The following ATP9B variants were observed in gnomAD, a reference collection of about 807,000 sequenced individuals.
The protein encoded by ATP9B is probable phospholipid-transporting ATPase IIB.
A neutral mutation model predicts 146.1 loss-of-function variants in ATP9B; 110 were observed. That is an observed-to-expected ratio of 0.75 (90% CI 0.65 to 0.88). The LOEUF is 0.88. ATP9B is among the 40% of genes least tolerant of loss of function. The pLI, the probability that ATP9B is intolerant of heterozygous loss-of-function variation, is 0.00. For missense variants in ATP9B, 1,499 were observed against 1,496.4 expected, an observed-to-expected ratio of 1.00 and a Z score of -0.03; for synonymous variants, 604 against 569.7, an observed-to-expected ratio of 1.06 and a Z score of -0.86.
At chr18:79,260,224 G>T (rs1447709008) in intron 12 of ATP9B, among the ~76,000 whole-genome samples, 1 of 152,194 alleles carries the variant, frequency 6.6e-6, no homozygotes, top group Non-Finnish European at 1.5e-5. Context: ...GGCGGAAGGG[G>T]AAGTAGTCAC....
chr18:79,312,303 CTG>C (rs1450793622), intron 15 of ATP9B, among the ~76,000 whole-genome samples: 2 of 152,232 alleles, frequency 1.3e-5, no homozygotes, highest in African/African-American at 4.8e-5. Context: ...AGTTATATTA[CTG>C]TGTGAAATTT....
In ATP9B at chr18:79,239,288, G is replaced by A. The variant is rs928332903; in HGVS notation, c.1108-14093G>A. Among the ~76,000 whole-genome samples, 7 of 152,170 alleles carry A rather than the reference G, an allele frequency of 4.6e-5. No homozygotes were observed. The highest frequency in any genetic ancestry group is 3.9e-4 in the Admixed American group (6 of 15,286). On this transcript the variant is annotated intron_variant, in intron 11 of 29. Coordinates refer to ENST00000426216, the MANE Select transcript of ATP9B (RefSeq NM_198531.5). The surrounding 1 kb of genome is among the most constrained non-coding windows in gnomAD (Gnocchi z 5.1). ...CCCCTTCAGCCCTCTTATTTCCACC[G>A]CTCCACAATTCATGACAAGTGCTGC...
At chr18:79,267,316 A>G (rs147973315) in intron 12 of ATP9B, among the ~76,000 whole-genome samples, 140 of 151,806 alleles carry the variant, frequency 9.2e-4, no homozygotes, top group Non-Finnish European at 1.7e-3. Flanking sequence ...TTTTTTCCTG[A>G]CCACTCTTCC....
At chr18:79,132,309 A>G (rs953405823) in intron 5 of ATP9B, among the ~76,000 whole-genome samples, 1 of 152,246 alleles carries the variant, frequency 6.6e-6, no homozygotes, top group Non-Finnish European at 1.5e-5. Flanking sequence ...TTCACATGTC[A>G]ATAATGATAA....
At chr18:79,167,748 TCC>T (rs2094996218) in intron 7 of ATP9B, among the ~76,000 whole-genome samples, 1 of 152,172 alleles carries the variant, frequency 6.6e-6, no homozygotes, top group Non-Finnish European at 1.5e-5. Flanking sequence ...AGTCCTCACT[TCC>T]GGCAGTGGAC....
intron 4 of ATP9B, chr18:79,115,169 A>G (rs1207283849): frequency 7.0e-6 from 1 of 142,276 alleles, no homozygotes; most frequent in Non-Finnish European, 1.5e-5. Context: ...TCCCATTCAC[A>G]ATTGCTTCAA....
chr18:79,300,833 T>C (rs1351858162), intron 13 of ATP9B, among the ~76,000 whole-genome samples: 1 of 152,246 alleles, frequency 6.6e-6, no homozygotes, highest in East Asian at 1.9e-4. Context: ...TATAATATTC[T>C]TTTAACTTTA....
chr18:79,355,122 A>T (rs1301242591), intron 25 of ATP9B, among the ~76,000 whole-genome samples: 1 of 152,164 alleles, frequency 6.6e-6, no homozygotes, highest in African/African-American at 2.4e-5. Context: ...GGGAGCCTTA[A>T]CCCCTGCCCC....
intron 13 of ATP9B, among the ~76,000 whole-genome samples, chr18:79,297,206 G>A (rs556776619): frequency 4.1e-5 from 6 of 147,860 alleles, no homozygotes; most frequent in South Asian, 4.4e-4. Flanking sequence ...AGACACAGAC[G>A]ACCCAGAGAG....
chr18:79,139,611 A>T (rs2094490179), intron 5 of ATP9B, among the ~76,000 whole-genome samples: 2 of 152,198 alleles, frequency 1.3e-5, no homozygotes, highest in African/African-American at 4.8e-5. Context: ...CAGGCATTCA[A>T]TGGGTAATAA....
At chr18:79,121,348 G>A (rs1310537710) in intron 4 of ATP9B, among the ~76,000 whole-genome samples, 1 of 152,224 alleles carries the variant, frequency 6.6e-6, no homozygotes, top group Admixed American at 6.5e-5. Flanking sequence ...CAGGATGACA[G>A]TAGTTTAAAT....
At chr18:79,160,779 T>TG (rs1224359006) in intron 7 of ATP9B, among the ~76,000 whole-genome samples, 1 of 151,890 alleles carries the variant, frequency 6.6e-6, no homozygotes, top group Non-Finnish European at 1.5e-5. Context: ...TTTGTTTGTT[T>TG]TTTCTCTTTT....
intron 26 of ATP9B, among the ~76,000 whole-genome samples, chr18:79,369,532 C>CAAA (rs67043260): frequency 1.4e-3 from 120 of 87,732 alleles, no homozygotes; most frequent in African/African-American, 2.9e-3. Flanking sequence ...GAGTCCGTCT[C>CAAA]AAAAAAAAAA....
At chr18:79,289,234 C>T (rs1332395693) in intron 13 of ATP9B, among the ~76,000 whole-genome samples, 2 of 152,182 alleles carry the variant, frequency 1.3e-5, no homozygotes, top group South Asian at 4.1e-4. Flanking sequence ...CCATTCTCCC[C>T]GTCACTTTCA....
chr18:79,247,427 C>T (rs1386613852), intron 11 of ATP9B, among the ~76,000 whole-genome samples: 1 of 152,216 alleles, frequency 6.6e-6, no homozygotes, highest in Non-Finnish European at 1.5e-5. Context: ...ATTGACATTT[C>T]TCAAGCGATC....
In ATP9B at chr18:79,347,870, C is replaced by T. The variant is rs773689028; in HGVS notation, c.2783C>T (p.Ser928Leu). The T allele has an allele frequency of 5.6e-6, 9 of 1,613,528 alleles. No individual in the cohort carries two copies. The East Asian group carries it at 6.7e-5, about 12-fold the overall frequency. ...CACGGGCGGAACAGCTACAAGAGGT[C>T]GGCGGCACTCGGCCAGTTCGTCATG... ...MVHGRNSYKR[S>L]AALGQFVMHR... The change falls in exon 24 of 30, where the codon TCG becomes TTG. Residue 928 changes from serine (S) to leucine (L), a missense_variant. By Grantham distance (145) the Ser-to-Leu change is moderately radical. Coordinates refer to ENST00000426216, the MANE Select transcript of ATP9B (RefSeq NM_198531.5).
At chr18:79,124,310 A>T (rs573387) in intron 4 of ATP9B, among the ~76,000 whole-genome samples, 20,785 of 152,224 alleles carry the variant, frequency 0.14, 2,026 homozygotes, top group African/African-American at 0.27. Context: ...AATTGTATAC[A>T]TTTATAGTGT....
At chr18:79,208,710 T>C (rs2095556934) in intron 10 of ATP9B, among the ~76,000 whole-genome samples, 1 of 152,176 alleles carries the variant, frequency 6.6e-6, no homozygotes, top group African/African-American at 2.4e-5. Context: ...AAATTACATC[T>C]ATATATAAAT....
chr18:79,246,584 C>G (rs1427756767), intron 11 of ATP9B, among the ~76,000 whole-genome samples: 1 of 152,210 alleles, frequency 6.6e-6, no homozygotes, highest in Admixed American at 6.5e-5. Context: ...CGCTTTTTGT[C>G]AGAAATAAAT....
Sources: gnomAD v4.1 joint callset for allele counts (sites outside exome capture counted in the v4.1 genomes callset) on GRCh38, gnomAD v4.1.1 for gene constraint, Gnocchi (gnomAD v3.1) non-coding constraint, MANE v1.5 for transcripts, NCBI Gene and HGNC (gene_info 2026-07-23, HGNC 2026-07-21) for gene names.